RYR1: variants seen among roughly 807,000 people sequenced by gnomAD.
RYR1 encodes the protein central core disease of muscle.
Under a neutral mutation model 583.5 loss-of-function variants are expected in RYR1, and 342 were observed. That is an observed-to-expected ratio of 0.59 (90% CI 0.54 to 0.64). RYR1 has a LOEUF of 0.64. Among genes scored for constraint, RYR1 ranks in the 30% least tolerant of loss-of-function variants. The pLI, the probability that RYR1 is intolerant of heterozygous loss-of-function variation, is 0.00. For synonymous variants in RYR1, 2,791 were observed against 2,822.5 expected, an observed-to-expected ratio of 0.99 and a Z score of 0.35; for missense variants, 6,032 against 6,917.2, an observed-to-expected ratio of 0.87 and a Z score of 4.54.
chr19:38,470,445 A>T (rs1968364663), intron 27 of RYR1, among the ~76,000 whole-genome samples: 1 of 151,274 alleles, frequency 6.6e-6, no homozygotes, highest in Non-Finnish European at 1.5e-5. Flanking sequence ...ATTGAAAAAA[A>T]AAAAAAAAAA....
In RYR1 at chr19:38,560,971, C is replaced by T. The variant is rs1973105430; in HGVS notation, c.12283-142C>T. ...TGGGGATGGGGACGAGAGGGGATGT[C>T]TTGAGGCTGGGTTGAGCTGTGATTG... On this transcript the variant is annotated intron_variant, in intron 89 of 105. Coordinates refer to ENST00000359596, the MANE Select transcript of RYR1 (RefSeq NM_000540.3). 8.1e-6 allele frequency: 6 copies of T among 739,562 alleles called. No homozygotes were observed. In the South Asian group the frequency reaches 8.9e-5, roughly 11 times the overall value. The allele number at this position is 739,562 out of a possible 1,614,324, so 45.8% of individuals were successfully genotyped here. A position where few individuals can be genotyped will look rare whatever the true frequency, so the allele number is the denominator to read the frequency against.
Position 38,502,899 on chromosome 19 carries a change from C to T in RYR1, c.7855C>T (p.Leu2619=), listed in dbSNP as rs762212220. ...CCGCAGGTACATCCGCCCGTCGATG[C>T]TGCAGCACCTGTTGCGCCGCCTGGT... ...SLCRYIRPSM[L]QHLLRRLVFD... Residue 2619 remains leucine (L), a synonymous_variant, in exon 49 of 106, where the codon CTG becomes TTG. Coordinates refer to ENST00000359596, the MANE Select transcript of RYR1 (RefSeq NM_000540.3). 5.6e-5 allele frequency: 91 copies of T among 1,611,718 alleles called. No individual in the cohort carries two copies. The highest frequency in any genetic ancestry group is 1.3e-4 in the South Asian group (12 of 91,066).
intron 101 of RYR1, among the ~76,000 whole-genome samples, chr19:38,584,162 G>T (rs529730439): frequency 6.7e-4 from 101 of 151,862 alleles, no homozygotes; most frequent in Admixed American, 3.0e-3. Context: ...AGCTTCCAGT[G>T]CTTCCCCTAG....
chr19:38,455,965 A>ATTTTTTT (rs1568448503), intron 16 of RYR1, among the ~76,000 whole-genome samples: 1 of 132,048 alleles, frequency 7.6e-6, no homozygotes, highest in Non-Finnish European at 1.6e-5. Context: ...GATCTCTGAA[A>ATTTTTTT]TGTTTTTTTT....
chr19:38,473,787 C>T lies in RYR1; in HGVS notation c.4160+16C>T, dbSNP rs1394039910. 1.3e-6 allele frequency: 2 copies of T among 1,496,936 alleles called. No homozygotes were observed. Among genetic ancestry groups the T allele is most frequent in the Non-Finnish European group, 8.9e-7 (1 of 1,121,138 alleles). The allele number at this position is 1,496,936 out of a possible 1,614,324, so 92.7% of individuals were successfully genotyped here. A position where few individuals can be genotyped will look rare whatever the true frequency, so the allele number is the denominator to read the frequency against. The stretch of plus-strand genomic sequence containing the variant: ...AGAAGAGAGGGTGAGTCGAGGGGGG[C>T]CCAGAGTGGGGATTGGGGGCTGCCT... On this transcript the variant is annotated intron_variant, in intron 28 of 105. Transcript: ENST00000359596.
At chr19:38,510,637 T>C (rs1970685422) in intron 59 of RYR1, 23 bp from the exon 60 acceptor site, 14 of 1,613,996 alleles carry the variant, frequency 8.7e-6, no homozygotes, top group Non-Finnish European at 1.1e-5. Context: ...TTGGACCCTT[T>C]ATCTCCCCCA....
At chr19:38,538,369 C>T (rs1972065240) in intron 84 of RYR1, among the ~76,000 whole-genome samples, 1 of 152,166 alleles carries the variant, frequency 6.6e-6, no homozygotes, top group Non-Finnish European at 1.5e-5. Flanking sequence ...CATTGCACTC[C>T]AGCCTGGGCA....
chr19:38,443,999 A>C, intron 5 of RYR1, 150 bp from the exon 6 acceptor site: 1 of 815,200 alleles, frequency 1.2e-6, no homozygotes, highest in South Asian at 1.4e-5. Flanking sequence ...TGAAGTCAGG[A>C]ACGGGGAACT....
intron 96 of RYR1, 113 bp downstream of exon 96, chr19:38,573,420 A>G (rs1973815642): frequency 8.8e-6 from 12 of 1,363,384 alleles, no homozygotes; most frequent in Admixed American, 2.4e-5. Flanking sequence ...GGTGGCTCAC[A>G]CCTGTAATCC....
chr19:38,498,996 G>C lies in RYR1; in HGVS notation c.6892-112G>C, dbSNP rs1270105462. The C allele has an allele frequency of 1.4e-6, 2 of 1,428,024 alleles. 1 individual carries two copies. The highest frequency in any genetic ancestry group is 4.0e-5 in the Admixed American group (2 of 50,418). The allele number at this position is 1,428,024 out of a possible 1,614,324, so 88.5% of individuals were successfully genotyped here. On this transcript the variant is annotated intron_variant, in intron 42 of 105. Transcript: ENST00000359596. ...CCAGGGCTAATGGGCCGAGGGATCAGAGCTGAACCGGACTGAGGAGCCGCA... is the reference window on the plus strand; with the variant it reads ...CCAGGGCTAATGGGCCGAGGGATCACAGCTGAACCGGACTGAGGAGCCGCA...
chr19:38,499,113 G>C lies in RYR1; in HGVS notation c.6897G>C (p.Val2299=), dbSNP rs767454302. ...ALQEQDLEKV[V]SYLAGCGLQS... is the part of the protein sequence containing the mutation. ...TGAGCCCCTTCTGCCCCCAGGTTGT[G>C]TCCTACCTGGCAGGCTGTGGCCTCC... is the stretch of plus-strand genomic sequence containing the variant. Residue 2299 remains valine, a synonymous_variant, in exon 43 of 106, where the codon GTG becomes GTC. Transcript: ENST00000359596. The surrounding 1 kb of genome is among the most constrained non-coding windows in gnomAD (Gnocchi z 7.3). The C allele has an allele frequency of 1.2e-5, 20 of 1,614,130 alleles. No homozygotes were observed. The East Asian group carries it at 4.5e-4, about 36-fold the overall frequency.
In RYR1 at chr19:38,568,109, G is replaced by T. The variant is rs146287098; in HGVS notation, c.13659+192G>T. Among the ~76,000 whole-genome samples the T allele has an allele frequency of 1.2e-4, 18 of 152,268 alleles. No homozygotes were observed. In the East Asian group the frequency reaches 3.5e-3, roughly 29 times the overall value. On this transcript the variant is annotated intron_variant, in intron 93 of 105. Coordinates refer to ENST00000359596, the MANE Select transcript of RYR1 (RefSeq NM_000540.3). ...TAGCATTTTCAGATGGCCCTCACTT[G>T]GTTCCTTGTCCCTTCCCTGCTCACT...
rs762657816 is a variant in RYR1, at chr19:38,567,826, A to G, written c.13568A>G (p.Lys4523Arg). Residue 4523 changes from lysine to arginine, a missense_variant, in exon 93 of 106, where the codon AAG (lysine) becomes AGG (arginine). Lys to Arg is a conservative substitution (Grantham distance 26). Transcript: ENST00000359596. ...CCCGAGCCCACACCAGAGCCCCCCA[A>G]GAAGCAAGCACCTCCCTCACCCCCT... ...EVPEPTPEPP[K>R]KQAPPSPPPK... The G allele has an allele frequency of 9.3e-6, 15 of 1,614,042 alleles. No homozygotes were observed. The highest frequency in any genetic ancestry group is 3.3e-5 in the Admixed American group (2 of 59,982).
Position 38,543,961 on chromosome 19 carries a change from G to A in RYR1, c.12012+86G>A. ...CAAGTCTTGCCCCTTTGGTCAGTTT[G>A]TCACCCGAGTGCTCCCGGCATGTTC... On this transcript the variant is annotated intron_variant, in intron 87 of 105. Transcript: ENST00000359596. This position sits in a 1 kb window ranked among gnomAD's most constrained non-coding sequence, Gnocchi z 4.4. 7.7e-7 allele frequency: 1 copy of A among 1,300,632 alleles called. No individual in the cohort carries two copies. The highest frequency in any genetic ancestry group is 1.3e-5 in the South Asian group (1 of 79,938). The allele number at this position is 1,300,632 out of a possible 1,614,324, so 80.6% of individuals were successfully genotyped here.
intron 42 of RYR1, among the ~76,000 whole-genome samples, chr19:38,497,229 A>AC (rs1394195972): frequency 6.6e-6 from 1 of 151,304 alleles, no homozygotes; most frequent in African/African-American, 2.4e-5. Flanking sequence ...TCCGCACTCT[A>AC]ACTTCCAGGC....
chr19:38,473,581 G>A lies in RYR1; in HGVS notation c.3970G>A (p.Ala1324Thr). ...LQPPAEDEAR[A>T]AEPDPDYENL... ...GCCCCCCGCCGAGGACGAGGCCCGG[G>A]CGGCGGAACCCGACCCTGACTACGA... The change falls in exon 28 of 106, where the codon GCG becomes ACG. Residue 1324 changes from alanine (A) to threonine (T), a missense_variant. Around this residue, in one of 11 missense-constraint regions of RYR1, gnomAD observed 2,627 missense variants for 2,961.3 expected, o/e 0.89. Transcript: ENST00000359596. 6.3e-7 allele frequency: 1 copy of A among 1,592,602 alleles called. No homozygotes were observed. Among genetic ancestry groups the A allele is most frequent in the Non-Finnish European group, 8.5e-7 (1 of 1,169,934 alleles).
chr19:38,576,736 G>C (rs549367858), intron 97 of RYR1, among the ~76,000 whole-genome samples: 4 of 152,114 alleles, frequency 2.6e-5, no homozygotes, highest in African/African-American at 4.8e-5. Flanking sequence ...GGCGGCAGAG[G>C]CTGCAGTGAG....
chr19:38,506,249 T>C (rs1970443028), intron 54 of RYR1, 54 bp from the exon 55 acceptor site: 4 of 1,582,676 alleles, frequency 2.5e-6, no homozygotes, highest in Non-Finnish European at 3.5e-6. Context: ...GGGGCTGGCC[T>C]GGGCTTCCTG....
intron 12 of RYR1, among the ~76,000 whole-genome samples, 178 bp from the exon 13 acceptor site, chr19:38,452,641 C>T (rs952626583): frequency 1.3e-5 from 2 of 152,208 alleles, no homozygotes; most frequent in Admixed American, 1.3e-4. Context: ...GTCCCAGTCC[C>T]AGCTCTGCCC....
Sources: gnomAD v4.1 joint callset for allele counts (sites outside exome capture counted in the v4.1 genomes callset) on GRCh38, gnomAD v4.1.1 for gene constraint, gnomAD v4.1.1 regional missense constraint, Gnocchi (gnomAD v3.1) non-coding constraint, MANE v1.5 for transcripts, NCBI Gene and HGNC (gene_info 2026-07-23, HGNC 2026-07-21) for gene names.